KAZN: variants seen among roughly 807,000 people sequenced by gnomAD.
KAZN encodes the protein kazrin, periplakin interacting protein, also known as kazrin.
Under a neutral mutation model 87.4 loss-of-function variants are expected in KAZN, and 40 were observed. That is an observed-to-expected ratio of 0.46 (90% CI 0.36 to 0.60). The LOEUF (loss-of-function observed/expected upper bound fraction) is 0.60. Ranked by LOEUF, KAZN falls within the 20% of genes least tolerant of loss-of-function variation. The pLI, the probability that KAZN is intolerant of heterozygous loss-of-function variation, is 0.00. For synonymous variants in KAZN, 466 were observed against 458.3 expected (o/e 1.02, Z -0.22); for missense variants, 898 against 1,073.9 (o/e 0.84, Z 2.29).
intron 2 of KAZN, among the ~76,000 whole-genome samples, chr1:14,482,845 T>G (rs1320573534): frequency 7.2e-5 from 11 of 152,116 alleles, no homozygotes; most frequent in Non-Finnish European, 5.9e-5. Context: ...TAATATAACT[T>G]TATGGTCAAG....
At chr1:14,997,209 A>T (rs984857823) in intron 2 of KAZN, among the ~76,000 whole-genome samples, 5 of 4,582 alleles carry the variant, frequency 1.1e-3, no homozygotes, top group African/African-American at 3.7e-3. Flanking sequence ...TCTTTCATTT[A>T]TTTATTTATT....
At chr1:14,060,383 A>AG (rs1491457194) in intron 1 of KAZN, among the ~76,000 whole-genome samples, 29 of 139,362 alleles carry the variant, frequency 2.1e-4, no homozygotes, top group African/African-American at 7.6e-4. Context: ...AAAAAAAAAA[A>AG]GAATGAGGGT....
Position 14,393,878 on chromosome 1 carries a change from A to AC in KAZN, c.250-205103dup, listed in dbSNP as rs913054257. Reference sequence around the variant, plus strand: ...AAAAAAAAAAGTCATGAAAACTTTTACCTGTAAACTCCCCAGCTGAAAGAA... The same window carrying AC: ...AAAAAAAAAAGTCATGAAAACTTTTACCCTGTAAACTCCCCAGCTGAAAGAA... On this transcript the variant is annotated intron_variant, in intron 2 of 16. Transcript: ENST00000636203. 6.1e-5 allele frequency among the ~76,000 whole-genome samples: 9 copies of AC among 146,758 alleles called. 1 individual carries two copies. Among genetic ancestry groups the AC allele is most frequent in the Non-Finnish European group, 1.0e-4 (7 of 66,692 alleles).
intron 1 of KAZN, among the ~76,000 whole-genome samples, chr1:13,913,076 T>G (rs12753596): frequency 0.2 from 30,454 of 151,880 alleles, 3,414 homozygotes; most frequent in Non-Finnish European, 0.26. Flanking sequence ...GGGGTTGGGG[T>G]CACTGGACCC....
chr1:14,648,796 T>G (rs1004831390), intron 1 of KAZN, among the ~76,000 whole-genome samples: 5 of 152,216 alleles, frequency 3.3e-5, no homozygotes, highest in Non-Finnish European at 7.3e-5. Flanking sequence ...TTGTGTGTTT[T>G]GGGTCATGTC....
chr1:14,544,809 A>G (rs1296972282), intron 2 of KAZN, among the ~76,000 whole-genome samples: 2 of 150,554 alleles, frequency 1.3e-5, no homozygotes, highest in Non-Finnish European at 2.9e-5. Flanking sequence ...GGCTTGAGTG[A>G]TCCTCCTGCC....
At chr1:14,687,610 G>A (rs10737900) in intron 1 of KAZN, among the ~76,000 whole-genome samples, 74,029 of 152,046 alleles carry the variant, frequency 0.49, 18,307 homozygotes, top group South Asian at 0.62. Flanking sequence ...CAAGGGGGGA[G>A]GATAAGTCTG....
At chr1:14,252,016 A>G (rs961614469) in intron 2 of KAZN, among the ~76,000 whole-genome samples, 2 of 152,110 alleles carry the variant, frequency 1.3e-5, no homozygotes, top group Non-Finnish European at 2.9e-5. Context: ...GAAAGAGGCC[A>G]GGAAAGGGGG....
At chr1:14,458,432 C>T (rs948448407) in intron 2 of KAZN, among the ~76,000 whole-genome samples, 12 of 152,120 alleles carry the variant, frequency 7.9e-5, no homozygotes, top group African/African-American at 2.7e-4. Context: ...TTCAATTCTT[C>T]CATCTCTTCT....
chr1:14,912,046 G>A (rs1237902468), intron 1 of KAZN, among the ~76,000 whole-genome samples: 1 of 149,984 alleles, frequency 6.7e-6, no homozygotes, highest in Non-Finnish European at 1.5e-5. Flanking sequence ...CAGCTACTTG[G>A]GAGGCTGAGG....
intron 1 of KAZN, among the ~76,000 whole-genome samples, chr1:13,930,746 T>C (rs1208916397): frequency 1.3e-5 from 2 of 152,242 alleles, no homozygotes; most frequent in Non-Finnish European, 2.9e-5. Context: ...GGCCTGGGTT[T>C]TGCAGGATTC....
At chr1:15,052,327 G>A (rs947693779) in intron 4 of KAZN, among the ~76,000 whole-genome samples, 1 of 152,166 alleles carries the variant, frequency 6.6e-6, no homozygotes, top group Non-Finnish European at 1.5e-5. Flanking sequence ...CATGGTGGCA[G>A]GCGAGAGAGC....
At chr1:14,387,747 G>C (rs1385879380) in intron 2 of KAZN, among the ~76,000 whole-genome samples, 1 of 151,890 alleles carries the variant, frequency 6.6e-6, no homozygotes, top group Non-Finnish European at 1.5e-5. Flanking sequence ...TAAGTCTGCA[G>C]AGATTACTGC....
intron 2 of KAZN, among the ~76,000 whole-genome samples, chr1:14,320,125 T>C (rs904452253): frequency 6.6e-6 from 1 of 152,158 alleles, no homozygotes; most frequent in African/African-American, 2.4e-5. Context: ...AAGGACAAAG[T>C]CAGGATTTAA....
At chr1:13,974,758 G>A (rs961867389) in intron 1 of KAZN, among the ~76,000 whole-genome samples, 4 of 152,082 alleles carry the variant, frequency 2.6e-5, no homozygotes, top group Admixed American at 6.5e-5. Context: ...CCTCCAGAAC[G>A]GTGTGGGAGT....
intron 1 of KAZN, among the ~76,000 whole-genome samples, chr1:14,148,794 C>A (rs902682524): frequency 2.0e-5 from 3 of 152,168 alleles, no homozygotes; most frequent in Admixed American, 2.0e-4. Flanking sequence ...CTTGACTCCC[C>A]CAAAATGCCA....
intron 2 of KAZN, among the ~76,000 whole-genome samples, chr1:14,588,634 C>T (rs1005263618): frequency 1.3e-5 from 2 of 152,258 alleles, no homozygotes; most frequent in African/African-American, 2.4e-5. Context: ...CAAAGGTGTC[C>T]GTGAGCTAGC....
chr1:14,262,429 G>A (rs1165402882), intron 2 of KAZN, among the ~76,000 whole-genome samples: 1 of 151,988 alleles, frequency 6.6e-6, no homozygotes, highest in South Asian at 2.1e-4. Context: ...CAATAGCTTT[G>A]GCAATTGCCG....
chr1:14,566,931 A>G (rs1283643901), intron 2 of KAZN, among the ~76,000 whole-genome samples: 1 of 152,232 alleles, frequency 6.6e-6, no homozygotes, highest in African/African-American at 2.4e-5. Flanking sequence ...CTTTATCCAT[A>G]TCAGCAACAA....
Sources: gnomAD v4.1 joint callset for allele counts (sites outside exome capture counted in the v4.1 genomes callset) on GRCh38, gnomAD v4.1.1 for gene constraint, MANE v1.5 for transcripts, NCBI Gene and HGNC (gene_info 2026-07-23, HGNC 2026-07-21) for gene names.